The following GPT2 variants were observed in gnomAD, a reference collection of about 807,000 sequenced individuals.
GPT2 encodes the protein alanine aminotransferase 2.
In GPT2, 30 loss-of-function variants were observed where a neutral mutation model predicts 56.9. The ratio of observed to expected loss-of-function variants is 0.53; its 90% CI spans 0.39 to 0.72. The LOEUF (loss-of-function observed/expected upper bound fraction) is 0.72, where lower values mean the gene tolerates loss of function less well. Among genes scored for constraint, GPT2 ranks in the 30% least tolerant of loss-of-function variants. GPT2 has a pLI of 0.00. For synonymous variants in GPT2, 271 were observed against 283.1 expected (o/e 0.96, Z 0.43); for missense variants, 542 against 703.4 (o/e 0.77, Z 2.60).
chr16:46,887,197 G>A (rs1230511369), intron 2 of GPT2, among the ~76,000 whole-genome samples: 3 of 152,130 alleles, frequency 2.0e-5, no homozygotes, highest in Non-Finnish European at 2.9e-5. Context: ...GGCCGGCCAC[G>A]GTGGCTCACG....
At chr16:46,917,474 C>T (rs529496861) in intron 7 of GPT2, among the ~76,000 whole-genome samples, 5 of 152,318 alleles carry the variant, frequency 3.3e-5, no homozygotes, top group South Asian at 4.1e-4. Context: ...GATCTTAACC[C>T]GGTACCTGTT....
intron 6 of GPT2, among the ~76,000 whole-genome samples, chr16:46,911,488 T>C (rs1596875311): frequency 6.6e-6 from 1 of 151,794 alleles, no homozygotes; most frequent in South Asian, 2.1e-4. Flanking sequence ...CTCCTGGGAG[T>C]GTGGGGGATA....
chr16:46,927,079 T>A (rs1596637614), intron 11 of GPT2, 42 bp downstream of exon 11: 5 of 1,278,576 alleles, frequency 3.9e-6, no homozygotes, highest in Non-Finnish European at 4.4e-6. Flanking sequence ...CCGGGTCTTG[T>A]CCAGGGAAAT....
chr16:46,892,897 G>A (rs527759796), intron 2 of GPT2, among the ~76,000 whole-genome samples: 198 of 152,094 alleles, frequency 1.3e-3, no homozygotes, highest in African/African-American at 4.3e-3. Context: ...GCCTTCCCTC[G>A]GATACCTAAA....
chr16:46,893,325 G>A (rs1960619579), intron 2 of GPT2, among the ~76,000 whole-genome samples: 3 of 152,162 alleles, frequency 2.0e-5, no homozygotes, highest in African/African-American at 7.2e-5. Flanking sequence ...TAGAGACGGG[G>A]TTTCACCGTG....
rs766358249 is a variant in GPT2, at chr16:46,924,435, C to T, written c.1259C>T (p.Thr420Met). Reference sequence around the variant, plus strand: ...AATCTGGCCAAAAAAGCAAAGCTGACGGAAGACCTGTTTAACCAAGTCCCA... The same window carrying T: ...AATCTGGCCAAAAAAGCAAAGCTGATGGAAGACCTGTTTAACCAAGTCCCA... ...LGNLAKKAKL[T>M]EDLFNQVPGI... Residue 420 changes from threonine to methionine, a missense_variant, in exon 10 of 12, where the codon ACG becomes ATG. Coordinates refer to ENST00000340124, the MANE Select transcript of GPT2 (RefSeq NM_133443.4). 2.0e-5 allele frequency: 33 copies of T among 1,614,072 alleles called. No homozygotes were observed. The highest frequency in any genetic ancestry group is 2.0e-5 in the Non-Finnish European group (24 of 1,180,036).
At chr16:46,907,018 A>C in intron 5 of GPT2, 43 bp downstream of exon 5, 1 of 1,611,766 alleles carries the variant, frequency 6.2e-7, no homozygotes, top group Non-Finnish European at 8.5e-7. Context: ...GTTTACCCAC[A>C]TGAAGAGCAG....
At position 46,897,193 on chromosome 16, in the gene GPT2, G is replaced by A. The variant is rs573086320; in HGVS notation, c.244-455G>A. On this transcript the variant is annotated intron_variant, in intron 2 of 11. Transcript: ENST00000340124. ...AGTTGGAGACCAGCCTGGCCAACACGTTGAAATCCTGTCTCTACTAAATAC... is the reference window on the plus strand; with the variant it reads ...AGTTGGAGACCAGCCTGGCCAACACATTGAAATCCTGTCTCTACTAAATAC... Among the ~76,000 whole-genome samples, 70 of 152,272 alleles carry A rather than the reference G, an allele frequency of 4.6e-4. 1 individual carries two copies. The highest frequency in any genetic ancestry group is 7.4e-4 in the Non-Finnish European group (50 of 68,010).
At chr16:46,885,602 G>C (rs1960468732) in intron 2 of GPT2, 1 of 953,192 alleles carries the variant, frequency 1.0e-6, no homozygotes, top group African/African-American at 1.8e-5. Context: ...AGTTGGGCCT[G>C]TCGGGCTTTG....
At chr16:46,886,160 G>A (rs1960479198) in intron 2 of GPT2, among the ~76,000 whole-genome samples, 1 of 152,200 alleles carries the variant, frequency 6.6e-6, no homozygotes, top group Non-Finnish European at 1.5e-5. Context: ...GTTTAAAGCT[G>A]GCCGGGAGGA....
At chr16:46,896,089 GT>G (rs2143383288) in intron 2 of GPT2, among the ~76,000 whole-genome samples, 1 of 152,284 alleles carries the variant, frequency 6.6e-6, no homozygotes, top group South Asian at 2.1e-4. Flanking sequence ...TGGTGACCTT[GT>G]TCCTGGGCCG....
rs932373520 is a variant in GPT2 at position 46,901,430 on chromosome 16, A to G, written c.442+640A>G. 7.2e-5 allele frequency among the ~76,000 whole-genome samples: 11 copies of G among 151,892 alleles called. No homozygotes were observed. The South Asian group carries it at 2.3e-3, about 32-fold the overall frequency. On this transcript the variant is annotated intron_variant, in intron 4 of 11. Coordinates refer to ENST00000340124, the MANE Select transcript of GPT2 (RefSeq NM_133443.4). ...CTTGGCCCCTGTAGATGTGAAGATG[A>G]TTCTCTCCCTCCCCTGCGGTGATGG...
intron 8 of GPT2, among the ~76,000 whole-genome samples, chr16:46,919,550 A>C (rs1027283035): frequency 3.3e-5 from 5 of 152,220 alleles, no homozygotes; most frequent in African/African-American, 7.2e-5. Context: ...GGCAGAACAC[A>C]CCTGCCATGT....
Position 46,898,230 on chromosome 16 carries a change from C to T in GPT2, c.333+493C>T, listed in dbSNP as rs565160975. 2.6e-5 allele frequency among the ~76,000 whole-genome samples: 4 copies of T among 152,264 alleles called. No homozygotes were observed. In the South Asian group the frequency reaches 6.2e-4, roughly 24 times the overall value. The stretch of plus-strand genomic sequence containing the variant: ...GGGAGATTGCCGGGCCTTGGTGAGG[C>T]GATGAGTGCAGAGGCCTCCTGGGGC... On this transcript the variant is annotated intron_variant, in intron 3 of 11. Transcript: ENST00000340124.
chr16:46,905,575 A>G lies in GPT2; in HGVS notation c.443-1267A>G, dbSNP rs1596870550. Among the ~76,000 whole-genome samples the G allele has an allele frequency of 3.9e-5, 6 of 152,324 alleles. No individual in the cohort carries two copies. The South Asian group carries it at 1.2e-3, about 32-fold the overall frequency. On this transcript the variant is annotated intron_variant, in intron 4 of 11. Coordinates refer to ENST00000340124, the MANE Select transcript of GPT2 (RefSeq NM_133443.4). ...CATCTGCCTTCCACATCTGACCCCC[A>G]GCCCCCATGCACTTCCACAGGGAAT...
chr16:46,919,076 CAG>C (rs1961229309), intron 8 of GPT2, among the ~76,000 whole-genome samples: 1 of 152,216 alleles, frequency 6.6e-6, no homozygotes, highest in African/African-American at 2.4e-5. Flanking sequence ...TCAGGGAGGG[CAG>C]ATAGAGCAGA....
At chr16:46,915,507 C>T (rs774549958) in intron 6 of GPT2, 2 of 149,122 alleles carry the variant, frequency 1.3e-5, no homozygotes, top group African/African-American at 5.0e-5. Context: ...GACACCCCAA[C>T]ACACCTACAC....
At chr16:46,927,142 A>T in intron 11 of GPT2, 105 bp downstream of exon 11, 2 of 649,524 alleles carry the variant, frequency 3.1e-6, no homozygotes, top group Non-Finnish European at 5.2e-6. Flanking sequence ...AGGTGCGGAG[A>T]CCCTGTCCTC....
At chr16:46,889,584 G>C (rs990060036) in intron 2 of GPT2, among the ~76,000 whole-genome samples, 3 of 152,192 alleles carry the variant, frequency 2.0e-5, no homozygotes, top group Non-Finnish European at 4.4e-5. Flanking sequence ...TGTAGTGCAG[G>C]CTTCCAATAG....
Sources: allele counts gnomAD v4.1 joint callset (sites outside exome capture counted in the v4.1 genomes callset), GRCh38; gene constraint gnomAD v4.1.1; transcripts MANE v1.5; gene names NCBI Gene and HGNC (gene_info 2026-07-23, HGNC 2026-07-21).